The following KLHL2 variants were observed in gnomAD, a reference collection of about 807,000 sequenced individuals.
The protein encoded by KLHL2 is kelch like family member 2, also known as kelch-like protein 2.
A neutral mutation model predicts 75.8 loss-of-function variants in KLHL2; 15 were observed. The observed-to-expected ratio is 0.20, with a 90% CI of 0.13 to 0.30. The LOEUF is 0.30. KLHL2 is among the 10% of genes least tolerant of loss of function. The pLI is 1.00. For synonymous variants in KLHL2, 214 were observed against 251.9 expected (o/e 0.85, Z 1.42); for missense variants, 381 against 741.0 (o/e 0.51, Z 5.64).
intron 5 of KLHL2, chr4:165,279,420 C>T (rs1365646654): frequency 6.3e-7 from 1 of 1,598,638 alleles, no homozygotes; most frequent in Non-Finnish European, 8.6e-7. Context: ...TTGAGCTGTC[C>T]AAGTTTCTCA....
At chr4:165,306,238 T>C (rs952054917) in intron 9 of KLHL2, among the ~76,000 whole-genome samples, 1 of 152,232 alleles carries the variant, frequency 6.6e-6, no homozygotes, top group Non-Finnish European at 1.5e-5. Context: ...CTGTCTCCCA[T>C]AGCGAAATGA....
At chr4:165,279,764 T>G (rs916056247) in intron 5 of KLHL2, 13 of 796,708 alleles carry the variant, frequency 1.6e-5, no homozygotes, top group South Asian at 2.8e-5. Flanking sequence ...TGAACTAGCC[T>G]CACTTCTTTA....
At chr4:165,253,609 A>C (rs547344428) in intron 4 of KLHL2, among the ~76,000 whole-genome samples, 1 of 152,228 alleles carries the variant, frequency 6.6e-6, no homozygotes, top group Non-Finnish European at 1.5e-5. Context: ...AAGTTATAAC[A>C]AATGTACACA....
intron 4 of KLHL2, among the ~76,000 whole-genome samples, chr4:165,260,546 A>C (rs1351103036): frequency 6.6e-6 from 1 of 152,050 alleles, no homozygotes; most frequent in Non-Finnish European, 1.5e-5. Context: ...AAATTTTAAA[A>C]GCCTGCTACA....
At chr4:165,264,835 C>T (rs1742119582) in intron 5 of KLHL2, among the ~76,000 whole-genome samples, 1 of 145,874 alleles carries the variant, frequency 6.9e-6, no homozygotes, top group Non-Finnish European at 1.5e-5. Context: ...GTGAATTGTA[C>T]TGTGATAAAC....
intron 8 of KLHL2, among the ~76,000 whole-genome samples, chr4:165,303,072 T>A (rs1745454015): frequency 1.3e-5 from 2 of 152,164 alleles, no homozygotes; most frequent in South Asian, 4.1e-4. Flanking sequence ...TATTCCTGCC[T>A]TCCTGTCCCC....
At chr4:165,251,939 G>A (rs1579045334) in intron 4 of KLHL2, among the ~76,000 whole-genome samples, 1 of 152,116 alleles carries the variant, frequency 6.6e-6, no homozygotes, top group African/African-American at 2.4e-5. Context: ...TTTATTGTTC[G>A]GAGCAAGGCT....
At chr4:165,286,711 G>T (rs993960334) in intron 5 of KLHL2, among the ~76,000 whole-genome samples, 4 of 152,220 alleles carry the variant, frequency 2.6e-5, no homozygotes, top group African/African-American at 7.2e-5. Flanking sequence ...GCACGCAGAG[G>T]CTTCAGAATT....
At chr4:165,294,610 GTTAC>G in intron 6 of KLHL2, 142 bp downstream of exon 6, 1 of 483,566 alleles carries the variant, frequency 2.1e-6, no homozygotes, top group East Asian at 3.0e-5. Flanking sequence ...AACTCAGCTA[GTTAC>G]TTCAGGAAAG....
intron 2 of KLHL2, among the ~76,000 whole-genome samples, chr4:165,228,014 C>G (rs1738589623): frequency 1.3e-5 from 2 of 151,978 alleles, no homozygotes; most frequent in Admixed American, 1.3e-4. Flanking sequence ...TCTTGTGTCT[C>G]AGCCTCCTCA....
intron 5 of KLHL2, among the ~76,000 whole-genome samples, chr4:165,275,335 A>T (rs1743000673): frequency 6.6e-6 from 1 of 152,048 alleles, no homozygotes; most frequent in Admixed American, 6.6e-5. Flanking sequence ...TTTGCAGGCC[A>T]AAAATATAGA....
chr4:165,234,613 A>ATTTTTTTTT (rs1186473633), intron 3 of KLHL2, among the ~76,000 whole-genome samples: 2 of 115,282 alleles, frequency 1.7e-5, no homozygotes, highest in Non-Finnish European at 1.8e-5. Context: ...TTGAGTTGGA[A>ATTTTTTTTT]TTTTTTTTTT....
chr4:165,220,205 A>G, intron 2 of KLHL2, 146 bp downstream of exon 2: 1 of 1,330,088 alleles, frequency 7.5e-7, no homozygotes, highest in Non-Finnish European at 1.0e-6. Flanking sequence ...TTTTAAAGGA[A>G]AAGAGCAAAT....
chr4:165,260,177 A>G (rs1019883137), intron 4 of KLHL2, among the ~76,000 whole-genome samples: 6 of 152,174 alleles, frequency 3.9e-5, no homozygotes, highest in African/African-American at 1.2e-4. Context: ...TTAATTACAT[A>G]ATTATGAGCT....
intron 6 of KLHL2, 85 bp from the exon 7 acceptor site, chr4:165,297,524 A>G: frequency 1.3e-6 from 1 of 793,938 alleles, no homozygotes; most frequent in East Asian, 2.5e-5. Flanking sequence ...CAAGAGTTAT[A>G]TATAAAATGT....
rs1183056076 is a variant in KLHL2, at chr4:165,322,424, TTTTATC to T, written c.*370_*375del. 1.7e-5 allele frequency: 3 copies of T among 172,180 alleles called. No individual in the cohort carries two copies. Among genetic ancestry groups the T allele is most frequent in the African/African-American group, 7.1e-5 (3 of 42,236 alleles). 10.7% of individuals were successfully genotyped at this position (172,180 alleles called of 1,614,324 possible). A position where few individuals can be genotyped will look rare whatever the true frequency, so the allele number is the denominator to read the frequency against. Reference sequence around the variant, plus strand: ...TAATGTGTGTTCTTGTAAAATTAAATTTTATCTTTATTTCTTCTAAAAATCTGTATA... The same window carrying T: ...TAATGTGTGTTCTTGTAAAATTAAATTTTATTTCTTCTAAAAATCTGTATA... On this transcript the variant is annotated 3_prime_UTR_variant, in exon 15 of 15. Transcript: ENST00000226725.
Position 165,306,729 on chromosome 4 carries a change from T to C in KLHL2, c.1039+1004T>C, listed in dbSNP as rs1195922625. ...TCTCTCTGAATTGTCAGTTCATGAT[T>C]TTTGCCATTTTAATAGTTTTATTGA... On this transcript the variant is annotated intron_variant, in intron 9 of 14. Coordinates refer to ENST00000226725, the MANE Select transcript of KLHL2 (RefSeq NM_007246.4). Among the ~76,000 whole-genome samples, 3 of 152,218 alleles carry C rather than the reference T, an allele frequency of 2.0e-5. No homozygotes were observed. In the East Asian group the frequency reaches 5.8e-4, roughly 29 times the overall value.
chr4:165,209,944 C>A, intron 1 of KLHL2: 1 of 1,354,086 alleles, frequency 7.4e-7, no homozygotes, highest in Non-Finnish European at 9.8e-7. Context: ...CATTAACATC[C>A]CTCCACCATG....
At chr4:165,235,993 T>G (rs17842698) in intron 3 of KLHL2, among the ~76,000 whole-genome samples, 2,323 of 152,058 alleles carry the variant, frequency 0.015, 58 homozygotes, top group African/African-American at 0.052. Context: ...AAAGGATTTT[T>G]GAACTCCGTG....
Sources: allele counts gnomAD v4.1 joint callset (sites outside exome capture counted in the v4.1 genomes callset), GRCh38; gene constraint gnomAD v4.1.1; transcripts MANE v1.5; gene names NCBI Gene and HGNC (gene_info 2026-07-23, HGNC 2026-07-21).